The following NRG1 variants were observed in gnomAD, a reference collection of about 807,000 sequenced individuals.
NRG1 encodes the protein pro-neuregulin-1, membrane-bound isoform.
In NRG1, 18 loss-of-function variants were observed where a neutral mutation model predicts 63.8. The observed-to-expected ratio is 0.28, with a 90% CI of 0.19 to 0.42. NRG1 has a LOEUF of 0.42. Among genes scored for constraint, NRG1 ranks in the 10% least tolerant of loss-of-function variants. NRG1 has a pLI of 1.00. For synonymous variants in NRG1, 302 were observed against 301.3 expected (o/e 1.00, Z -0.02); for missense variants, 762 against 814.7 (o/e 0.94, Z 0.79).
chr8:32,023,583 C>A (rs1183087022), intron 1 of NRG1, among the ~76,000 whole-genome samples: 3 of 152,122 alleles, frequency 2.0e-5, no homozygotes, highest in African/African-American at 7.2e-5. Flanking sequence ...GCTGCTGGGA[C>A]TGAAAATCAG....
At chr8:32,760,210 G>A (rs370670945) in exon 11 of NRG1, 43 of 1,613,698 alleles carry the variant, frequency 2.7e-5, no homozygotes, top group South Asian at 1.2e-4. Context: ...CTGGAGCAAC[G>A]GACACACTGA....
intron 1 of NRG1, among the ~76,000 whole-genome samples, chr8:31,808,476 T>G (rs1204529033): frequency 6.6e-6 from 1 of 152,050 alleles, no homozygotes; most frequent in Non-Finnish European, 1.5e-5. Flanking sequence ...TATCTCTTCA[T>G]TTTTGAATTA....
chr8:31,902,653 G>T (rs549210629), intron 1 of NRG1, among the ~76,000 whole-genome samples: 2 of 152,184 alleles, frequency 1.3e-5, no homozygotes, highest in African/African-American at 2.4e-5. Flanking sequence ...TATTTCTTAA[G>T]TACTTTAGTC....
rs1203305792 is a variant in NRG1 at position 31,972,491 on chromosome 8, C to T, written c.37+333060C>T. On this transcript the variant is annotated intron_variant, in intron 1 of 10. Coordinates refer to the NRG1 transcript ENST00000519301. ...GAACCTCTCATATCTCAGCATCCTT[C>T]TAAGGCTCGCTTACTATTTCACCTC... is the stretch of plus-strand genomic sequence containing the variant. Among the ~76,000 whole-genome samples, 6 of 152,172 alleles carry T rather than the reference C, an allele frequency of 3.9e-5. No homozygotes were observed. The South Asian group carries it at 6.2e-4, about 16-fold the overall frequency.
At chr8:32,311,431 T>A (rs1856793271) in intron 1 of NRG1, among the ~76,000 whole-genome samples, 1 of 150,602 alleles carries the variant, frequency 6.6e-6, no homozygotes, top group South Asian at 2.1e-4. Flanking sequence ...CAAGAAGGAG[T>A]CTATGAGGAT....
intron 1 of NRG1, among the ~76,000 whole-genome samples, chr8:31,878,530 A>C (rs1331582635): frequency 6.6e-6 from 1 of 152,200 alleles, no homozygotes; most frequent in African/African-American, 2.4e-5. Flanking sequence ...TATACTATTT[A>C]TCGATTGTTA....
intron 1 of NRG1, among the ~76,000 whole-genome samples, chr8:32,498,328 A>G (rs1233227387): frequency 6.6e-6 from 1 of 152,182 alleles, no homozygotes; most frequent in Non-Finnish European, 1.5e-5. Context: ...TCAAGCTGCT[A>G]TAAGGACATG....
intron 1 of NRG1, among the ~76,000 whole-genome samples, chr8:32,275,783 C>A (rs568982659): frequency 1.3e-5 from 2 of 152,300 alleles, no homozygotes; most frequent in South Asian, 4.1e-4. Context: ...GGCCCAGGGT[C>A]TGCATTCCTA....
rs185611934 is a variant in NRG1, at chr8:32,661,511, T to G, written c.502+44626T>G. Among the ~76,000 whole-genome samples the G allele has an allele frequency of 1.2e-4, 18 of 152,304 alleles. No individual in the cohort carries two copies. The East Asian group carries it at 3.5e-3, about 29-fold the overall frequency. On this transcript the variant is annotated intron_variant, in intron 5 of 11. Transcript: ENST00000356819. ...GATAACCTAATCAAAATATTTTACT[T>G]TACTCATGGGGAAACTAAGATCCAG... is the stretch of plus-strand genomic sequence containing the variant.
chr8:31,940,338 A>T (rs899835328), intron 1 of NRG1, among the ~76,000 whole-genome samples: 5 of 152,148 alleles, frequency 3.3e-5, no homozygotes, highest in African/African-American at 1.2e-4. Flanking sequence ...AAATTAAAAA[A>T]TTATTTAAAC....
At chr8:31,748,083 T>C (rs1373626347) in intron 1 of NRG1, among the ~76,000 whole-genome samples, 1 of 151,966 alleles carries the variant, frequency 6.6e-6, no homozygotes, top group Non-Finnish European at 1.5e-5. Context: ...ATAACCTTTC[T>C]TCTACCATAT....
At chr8:32,084,983 T>G (rs956980613) in intron 1 of NRG1, among the ~76,000 whole-genome samples, 2 of 152,216 alleles carry the variant, frequency 1.3e-5, no homozygotes, top group Non-Finnish European at 2.9e-5. Context: ...AGATAGTGAA[T>G]GACATATAGT....
chr8:31,955,467 A>G (rs1027432480), intron 1 of NRG1, among the ~76,000 whole-genome samples: 1 of 152,250 alleles, frequency 6.6e-6, no homozygotes, highest in Non-Finnish European at 1.5e-5. Context: ...CAAAAGAAAG[A>G]GAGGACTCAC....
chr8:32,155,411 TTTTTC>T (rs1021825770), intron 1 of NRG1, among the ~76,000 whole-genome samples: 9 of 152,366 alleles, frequency 5.9e-5, no homozygotes, highest in African/African-American at 2.2e-4. Context: ...AATCTCATTT[TTTTTC>T]CAAGATGAAA....
intron 1 of NRG1, among the ~76,000 whole-genome samples, chr8:31,749,767 G>C (rs1816262766): frequency 6.6e-6 from 1 of 150,686 alleles, no homozygotes; most frequent in African/African-American, 2.4e-5. Flanking sequence ...CTTCATAGAT[G>C]GTGGAATTAT....
At chr8:32,331,692 TGTGA>T (rs1351212174) in intron 1 of NRG1, among the ~76,000 whole-genome samples, 16 of 152,154 alleles carry the variant, frequency 1.1e-4, no homozygotes, top group Non-Finnish European at 2.9e-5. Context: ...CCAAAGGAAG[TGTGA>T]GTAACAAGTT....
At chr8:32,655,958 C>T (rs1024626022) in intron 5 of NRG1, among the ~76,000 whole-genome samples, 1 of 152,072 alleles carries the variant, frequency 6.6e-6, no homozygotes, top group Non-Finnish European at 1.5e-5. Context: ...TTATGTTCAC[C>T]TTACTCTTTT....
intron 5 of NRG1, among the ~76,000 whole-genome samples, chr8:32,677,214 T>G (rs1589146759): frequency 6.6e-6 from 1 of 152,192 alleles, no homozygotes; most frequent in East Asian, 1.9e-4. Flanking sequence ...AATATTTAAG[T>G]TGACTCTTTC....
intron 11 of NRG1, among the ~76,000 whole-genome samples, chr8:32,762,519 C>G (rs866391711): frequency 1.3e-5 from 2 of 152,110 alleles, no homozygotes; most frequent in Non-Finnish European, 2.9e-5. Flanking sequence ...TTTGAAGGCT[C>G]AAGGCCCACA....
Sources: allele counts gnomAD v4.1 joint callset (sites outside exome capture counted in the v4.1 genomes callset), GRCh38; gene constraint gnomAD v4.1.1; transcripts MANE v1.5; gene names NCBI Gene and HGNC (gene_info 2026-07-23, HGNC 2026-07-21).